TBL1X: variants seen among roughly 807,000 people sequenced by gnomAD.
The protein encoded by TBL1X is F-box-like/WD repeat-containing protein TBL1X.
In TBL1X, 10 loss-of-function variants were observed where a neutral mutation model predicts 50.7. The observed-to-expected ratio is 0.20, with a 90% CI of 0.12 to 0.33. TBL1X has a LOEUF of 0.33. TBL1X is among the 10% of genes least tolerant of loss of function. The pLI, the probability that TBL1X is intolerant of heterozygous loss-of-function variation, is 1.00. For missense variants in TBL1X, 340 were observed against 504.4 expected, an observed-to-expected ratio of 0.67 and a Z score of 3.12; for synonymous variants, 190 against 214.7, an observed-to-expected ratio of 0.88 and a Z score of 1.01.
rs147960728 is a variant in TBL1X at position 9,697,447 on chromosome X, G to C, written c.1114+18G>C. ...TCATTCAGGTGAGTTTTTTGTTGTTGTTGTTGTTGTTTGTTTTTTTGTAAT... is the reference window on the plus strand; with the variant it reads ...TCATTCAGGTGAGTTTTTTGTTGTTCTTGTTGTTGTTTGTTTTTTTGTAAT... On this transcript the variant is annotated intron_variant, in intron 12 of 17. Transcript: ENST00000645353. The C allele has an allele frequency of 1.3e-5, 16 of 1,206,545 alleles. No homozygotes were observed. The African/African-American group carries it at 2.3e-4, about 17-fold the overall frequency.
chrX:9,663,308 T>A (rs1376361250), intron 5 of TBL1X, among the ~76,000 whole-genome samples: 1 of 111,887 alleles, frequency 8.9e-6, no homozygotes, highest in East Asian at 2.8e-4. Flanking sequence ...TCTGGACATA[T>A]GGCCAGTGTC....
chrX:9,528,785 C>T (rs2082145469), intron 2 of TBL1X, among the ~76,000 whole-genome samples: 1 of 110,036 alleles, frequency 9.1e-6, no homozygotes, highest in Non-Finnish European at 1.9e-5. Context: ...TAGCTGAACC[C>T]ATGGGTGCTC....
chrX:9,639,913 CTTAAT>C (rs770861113), intron 2 of TBL1X: 6 of 111,684 alleles, frequency 5.4e-5, no homozygotes, highest in Non-Finnish European at 1.1e-4. Flanking sequence ...TCAAGGGAAC[CTTAAT>C]TTATCTTTAA....
chrX:9,496,668 A>T (rs758881922), intron 1 of TBL1X, among the ~76,000 whole-genome samples: 1 of 112,015 alleles, frequency 8.9e-6, no homozygotes, highest in Non-Finnish European at 1.9e-5. Flanking sequence ...AGAGAAATCC[A>T]CTATCTCTCA....
intron 16 of TBL1X, among the ~76,000 whole-genome samples, chrX:9,712,585 C>A (rs2083254396): frequency 8.9e-6 from 1 of 112,177 alleles, no homozygotes; most frequent in Admixed American, 9.5e-5. Context: ...GATCCGCCCA[C>A]TTTTGCCTCC....
intron 1 of TBL1X, among the ~76,000 whole-genome samples, chrX:9,500,301 G>GAA (rs111308138): frequency 0.04 from 3,463 of 86,284 alleles, 216 homozygotes; most frequent in African/African-American, 0.14. Context: ...AAAAAAGCAA[G>GAA]AAAAAAAAAG....
At chrX:9,554,046 A>G (rs767908851) in intron 2 of TBL1X, among the ~76,000 whole-genome samples, 19 of 111,459 alleles carry the variant, frequency 1.7e-4, no homozygotes, top group Non-Finnish European at 3.4e-4. Flanking sequence ...ACATCTGGCT[A>G]ATTTTTGTAT....
chrX:9,603,915 C>G (rs891064352), intron 2 of TBL1X, among the ~76,000 whole-genome samples: 4 of 111,324 alleles, frequency 3.6e-5, no homozygotes, highest in African/African-American at 1.3e-4. Flanking sequence ...CATGGCCTCC[C>G]TGGGTGTCTC....
intron 2 of TBL1X, among the ~76,000 whole-genome samples, chrX:9,547,622 G>A (rs1007262649): frequency 2.7e-5 from 3 of 110,828 alleles, no homozygotes; most frequent in Admixed American, 9.6e-5. Flanking sequence ...GCCTAGCCTC[G>A]TATCTGTGTC....
At chrX:9,657,774 C>A (rs1383554635) in intron 5 of TBL1X, among the ~76,000 whole-genome samples, 2 of 112,532 alleles carry the variant, frequency 1.8e-5, no homozygotes, top group Non-Finnish European at 1.9e-5. Context: ...AGACTCATGG[C>A]AGTCTGAAAG....
rs1183428228 is a variant in TBL1X, at chrX:9,654,193, ACT to A, written c.104-17_104-16del. ...AGAAAAATACAAGCAGTGTTTCAAA[ACT>A]CTCTTCTCTTTTTGAACAGAGGGTG... On this transcript the variant is annotated intron_variant, in intron 4 of 17. Coordinates refer to ENST00000645353, the MANE Select transcript of TBL1X (RefSeq NM_005647.4). The A allele has an allele frequency of 1.7e-6, 2 of 1,190,088 alleles. No individual in the cohort carries two copies. The highest frequency in any genetic ancestry group is 3.5e-5 in the African/African-American group (2 of 56,641).
chrX:9,523,724 C>T (rs2082117642), intron 2 of TBL1X, among the ~76,000 whole-genome samples: 1 of 111,884 alleles, frequency 8.9e-6, no homozygotes, highest in African/African-American at 3.2e-5. Context: ...CCTTTATTGG[C>T]CCCCTTGCCT....
At chrX:9,609,655 T>G (rs777959223) in intron 2 of TBL1X, among the ~76,000 whole-genome samples, 2 of 111,047 alleles carry the variant, frequency 1.8e-5, no homozygotes, top group African/African-American at 3.3e-5. Flanking sequence ...TGAGACCGAT[T>G]ACCATATTGC....
chrX:9,545,368 C>T (rs1192579716), intron 2 of TBL1X, among the ~76,000 whole-genome samples: 1 of 109,439 alleles, frequency 9.1e-6, no homozygotes, highest in Admixed American at 9.8e-5. Context: ...TAGCAAAATC[C>T]CATCTCTGCA....
At chrX:9,563,219 T>C (rs2082332700) in intron 2 of TBL1X, among the ~76,000 whole-genome samples, 1 of 112,825 alleles carries the variant, frequency 8.9e-6, no homozygotes, top group Non-Finnish European at 1.9e-5. Flanking sequence ...GCTTCTCTTA[T>C]AATACATGTT....
At chrX:9,610,993 C>G (rs1286082420) in intron 2 of TBL1X, among the ~76,000 whole-genome samples, 4 of 111,836 alleles carry the variant, frequency 3.6e-5, no homozygotes, top group African/African-American at 1.3e-4. Context: ...TGAGCAAATC[C>G]TCGGAGAAAT....
chrX:9,645,281 G>A (rs1196323486), intron 3 of TBL1X: 2 of 111,635 alleles, frequency 1.8e-5, no homozygotes, highest in East Asian at 5.7e-4. Context: ...TTTTTGTAGA[G>A]ATGGGTTTCA....
intron 5 of TBL1X, among the ~76,000 whole-genome samples, chrX:9,680,890 A>G (rs184066149): frequency 1.2e-4 from 13 of 112,420 alleles, no homozygotes; most frequent in African/African-American, 3.9e-4. Context: ...GCATCTGCAC[A>G]GGATATTCCT....
chrX:9,580,612 A>G (rs2082435793), intron 2 of TBL1X, among the ~76,000 whole-genome samples: 4 of 111,357 alleles, frequency 3.6e-5, no homozygotes. Context: ...TTCCTTTCAC[A>G]TACACATTTG....
Sources: allele counts gnomAD v4.1 joint callset (sites outside exome capture counted in the v4.1 genomes callset), GRCh38; gene constraint gnomAD v4.1.1; transcripts MANE v1.5; gene names NCBI Gene and HGNC (gene_info 2026-07-23, HGNC 2026-07-21).